Variants in TMEM163 observed in about 807,000 individuals in gnomAD.
TMEM163 encodes transmembrane protein 163.
Under a neutral mutation model 29.3 loss-of-function variants are expected in TMEM163, and 17 were observed. The ratio of observed to expected loss-of-function variants is 0.58; its 90% confidence interval spans 0.40 to 0.87. The LOEUF is 0.87. Among genes scored for constraint, TMEM163 ranks in the 40% least tolerant of loss-of-function variants. TMEM163 has a pLI of 0.00. For synonymous variants in TMEM163, 157 were observed against 160.6 expected (o/e 0.98, Z 0.17); for missense variants, 303 against 381.5 (o/e 0.79, Z 1.71).
At chr2:134,584,555 A>G (rs976624431) in intron 2 of TMEM163, among the ~76,000 whole-genome samples, 1 of 151,822 alleles carries the variant, frequency 6.6e-6, no homozygotes, top group Non-Finnish European at 1.5e-5. Context: ...ACAATCCTCA[A>G]TGTTTGTTTG....
intron 4 of TMEM163, among the ~76,000 whole-genome samples, chr2:134,529,386 GA>G (rs35678971): frequency 0.27 from 41,628 of 151,674 alleles, 5,867 homozygotes; most frequent in Middle Eastern, 0.38. Flanking sequence ...GAAATGGAAA[GA>G]AAAAAATCTC....
At chr2:134,559,923 G>A (rs2104776596) in intron 2 of TMEM163, among the ~76,000 whole-genome samples, 1 of 152,186 alleles carries the variant, frequency 6.6e-6, no homozygotes, top group African/African-American at 2.4e-5. Context: ...GGCCTCCCTG[G>A]AAAGGCCATG....
intron 2 of TMEM163, among the ~76,000 whole-genome samples, chr2:134,645,444 C>T (rs777605681): frequency 6.6e-6 from 1 of 152,126 alleles, no homozygotes; most frequent in Non-Finnish European, 1.5e-5. Flanking sequence ...TACTATCTGG[C>T]CCTTTACAGA....
intron 2 of TMEM163, among the ~76,000 whole-genome samples, chr2:134,625,938 A>G (rs780924340): frequency 1.6e-4 from 24 of 152,214 alleles, no homozygotes; most frequent in African/African-American, 3.4e-4. Flanking sequence ...CATTGCTGCT[A>G]TAACAAATGA....
At chr2:134,588,880 G>C (rs1228714423) in intron 2 of TMEM163, among the ~76,000 whole-genome samples, 2 of 152,110 alleles carry the variant, frequency 1.3e-5, no homozygotes, top group Non-Finnish European at 2.9e-5. Flanking sequence ...GGGAGGAAGA[G>C]GACCAGTTAG....
chr2:134,662,397 G>T (rs1157831345), intron 2 of TMEM163, among the ~76,000 whole-genome samples: 1 of 152,162 alleles, frequency 6.6e-6, no homozygotes. Context: ...ACAAGTATAT[G>T]TGTCAAGCTC....
At chr2:134,639,914 A>G (rs1211536737) in intron 2 of TMEM163, among the ~76,000 whole-genome samples, 1 of 152,182 alleles carries the variant, frequency 6.6e-6, no homozygotes, top group East Asian at 1.9e-4. Context: ...CTTCTTTCAG[A>G]TATTAAATTA....
rs184136391 is a variant in TMEM163, at chr2:134,460,105, C to T, written c.668-1932G>A. Reference sequence around the variant, plus strand: ...CCCCCAAATTCATTCTCACTCTCCCCGCTGATCCCTGCTCTGTCCTGGCCA... The same window carrying T: ...CCCCCAAATTCATTCTCACTCTCCCTGCTGATCCCTGCTCTGTCCTGGCCA... On this transcript the variant is annotated intron_variant, in intron 6 of 7. Coordinates refer to ENST00000281924, the MANE Select transcript of TMEM163 (RefSeq NM_030923.5). This position sits in a 1 kb window ranked among gnomAD's most constrained non-coding sequence, Gnocchi z 4.3. Among the ~76,000 whole-genome samples the T allele has an allele frequency of 6.6e-6, 1 of 151,380 alleles. No homozygotes were observed. The highest frequency in any genetic ancestry group is 1.5e-5 in the Non-Finnish European group (1 of 67,802).
intron 2 of TMEM163, among the ~76,000 whole-genome samples, chr2:134,634,020 T>TAA (rs1173459967): frequency 1.8e-5 from 2 of 112,230 alleles, no homozygotes; most frequent in East Asian, 3.0e-4. Flanking sequence ...TATATATATA[T>TAA]AATAGGACTG....
At chr2:134,705,972 A>T (rs1433784735) in intron 2 of TMEM163, among the ~76,000 whole-genome samples, 3 of 152,198 alleles carry the variant, frequency 2.0e-5, no homozygotes, top group Non-Finnish European at 4.4e-5. Flanking sequence ...CGACAGGGAC[A>T]CCGGGTGCTA....
At chr2:134,477,932 T>C (rs1686957045) in intron 5 of TMEM163, among the ~76,000 whole-genome samples, 1 of 152,150 alleles carries the variant, frequency 6.6e-6, no homozygotes, top group South Asian at 2.1e-4. Context: ...ATGTTGGAGG[T>C]GGGGCCTGGT....
At chr2:134,709,013 C>T (rs1029636878) in intron 2 of TMEM163, among the ~76,000 whole-genome samples, 1 of 152,198 alleles carries the variant, frequency 6.6e-6, no homozygotes, top group Non-Finnish European at 1.5e-5. Flanking sequence ...TCATTTCCCA[C>T]AGAACATGTA....
intron 5 of TMEM163, among the ~76,000 whole-genome samples, chr2:134,496,415 A>T (rs137946583): frequency 6.6e-6 from 1 of 152,276 alleles, no homozygotes; most frequent in Admixed American, 6.5e-5. Flanking sequence ...GCTCAGGAGC[A>T]TGGAATCCCA....
At chr2:134,536,843 T>C (rs955074145) in intron 4 of TMEM163, among the ~76,000 whole-genome samples, 1 of 152,158 alleles carries the variant, frequency 6.6e-6, no homozygotes, top group Non-Finnish European at 1.5e-5. Context: ...GTAAGAGCCA[T>C]AGCTCTAGGT....
intron 2 of TMEM163, among the ~76,000 whole-genome samples, chr2:134,650,764 A>T (rs1315321238): frequency 1.6e-5 from 2 of 128,478 alleles, no homozygotes; most frequent in Admixed American, 8.1e-5. Context: ...TCATTGTTCA[A>T]TTCCCACCTA....
rs77213008 is a variant in TMEM163 at position 134,699,994 on chromosome 2, C to G, written c.322+13206G>C. Among the ~76,000 whole-genome samples, 9 of 151,948 alleles carry G rather than the reference C, an allele frequency of 5.9e-5. No homozygotes were observed. The East Asian group carries it at 1.5e-3, about 26-fold the overall frequency. On this transcript the variant is annotated intron_variant, in intron 2 of 7. Transcript: ENST00000281924. ...CCCTACATTTAAGGAATTCTGTGGTCTTACGTTTTAAATTTGTCTCCTATT... is the reference window on the plus strand; with the variant it reads ...CCCTACATTTAAGGAATTCTGTGGTGTTACGTTTTAAATTTGTCTCCTATT...
At chr2:134,663,150 C>T (rs1055954104) in intron 2 of TMEM163, among the ~76,000 whole-genome samples, 1 of 152,218 alleles carries the variant, frequency 6.6e-6, no homozygotes, top group African/African-American at 2.4e-5. Flanking sequence ...TAGAATTAAA[C>T]AGAACTGCAA....
At chr2:134,465,420 C>G (rs1220776242) in intron 6 of TMEM163, among the ~76,000 whole-genome samples, 2 of 152,232 alleles carry the variant, frequency 1.3e-5, no homozygotes, top group Non-Finnish European at 2.9e-5. Flanking sequence ...CCCCTGGGCT[C>G]CGCACATGCC....
At chr2:134,565,939 G>A (rs1681291435) in intron 2 of TMEM163, among the ~76,000 whole-genome samples, 1 of 152,198 alleles carries the variant, frequency 6.6e-6, no homozygotes, top group Admixed American at 6.5e-5. Context: ...CACCTCCAGG[G>A]CAGGGAGCGG....
Sources: allele counts gnomAD v4.1 joint callset (sites outside exome capture counted in the v4.1 genomes callset), GRCh38; gene constraint gnomAD v4.1.1; non-coding constraint Gnocchi (gnomAD v3.1); transcripts MANE v1.5; gene names NCBI Gene and HGNC (gene_info 2026-07-23, HGNC 2026-07-21).